Variants in PDLIM5 observed in about 807,000 individuals in gnomAD.
PDLIM5 encodes the protein PDZ and LIM domain protein 5.
PDLIM5 carries 34 observed loss-of-function variants against 64.2 expected under a neutral mutation model. The ratio of observed to expected loss-of-function variants is 0.53; its 90% CI spans 0.40 to 0.71. The LOEUF (loss-of-function observed/expected upper bound fraction) is 0.71. Ranked by LOEUF, PDLIM5 falls within the 30% of genes least tolerant of loss-of-function variation. PDLIM5 has a pLI of 0.00. For synonymous variants in PDLIM5, 253 were observed against 269.1 expected (o/e 0.94, Z 0.59); for missense variants, 683 against 733.6 (o/e 0.93, Z 0.80).
chr4:94,505,806 C>T (rs972128013), intron 2 of PDLIM5, among the ~76,000 whole-genome samples: 1 of 152,204 alleles, frequency 6.6e-6, no homozygotes, highest in African/African-American at 2.4e-5. Flanking sequence ...GAGCCACCCT[C>T]CAGGTGCCTC....
At chr4:94,504,286 C>T (rs866176913) in intron 2 of PDLIM5, among the ~76,000 whole-genome samples, 12 of 150,902 alleles carry the variant, frequency 8.0e-5, no homozygotes, top group South Asian at 4.2e-4. Flanking sequence ...CATGGTTGTG[C>T]GACTTTCTTT....
chr4:94,650,936 A>T lies in PDLIM5; in HGVS notation c.1284-3524A>T, dbSNP rs145070850. On this transcript the variant is annotated intron_variant, in intron 9 of 12. Transcript: ENST00000317968. ...AATCCCTCCTCTCCCTCCATTTGTC[A>T]GTCAACATGTACTTAGTAAGGGCTC... is the stretch of plus-strand genomic sequence containing the variant. Among the ~76,000 whole-genome samples, 762 of 152,134 alleles carry T rather than the reference A, an allele frequency of 5.0e-3. 7 individuals carry two copies. Among genetic ancestry groups the T allele is most frequent in the African/African-American group, 0.017 (722 of 41,512 alleles).
At chr4:94,573,997 C>A (rs920069903) in intron 4 of PDLIM5, among the ~76,000 whole-genome samples, 1 of 152,168 alleles carries the variant, frequency 6.6e-6, no homozygotes, top group Non-Finnish European at 1.5e-5. Flanking sequence ...TGAACACTGA[C>A]ATGCTCACAT....
chr4:94,494,432 GTTTTTTTTTT>G (rs61675663), intron 2 of PDLIM5, among the ~76,000 whole-genome samples: 12 of 70,770 alleles, frequency 1.7e-4, no homozygotes, highest in East Asian at 4.9e-4. Flanking sequence ...TTTTTTTCTT[GTTTTTTTTTT>G]TTTTTTTTTT....
At chr4:94,611,271 C>T in intron 7 of PDLIM5, 1 of 1,296,266 alleles carries the variant, frequency 7.7e-7, no homozygotes, top group Non-Finnish European at 1.1e-6. Flanking sequence ...CACTCCACCA[C>T]TGTATTAACA....
intron 2 of PDLIM5, among the ~76,000 whole-genome samples, chr4:94,488,810 C>A (rs1296447886): frequency 6.6e-6 from 1 of 152,208 alleles, no homozygotes; most frequent in Non-Finnish European, 1.5e-5. Flanking sequence ...TCCCCCTCTC[C>A]ACCCTCTTTG....
In PDLIM5 at chr4:94,665,578, T is replaced by A. The variant is rs1743043214; in HGVS notation, c.*1511T>A. ...TCAGAAGATTATACCCCCCAATTGTTTTTCAATCCCCTTTTCTCAAATAAT... is the reference window on the plus strand; with the variant it reads ...TCAGAAGATTATACCCCCCAATTGTATTTCAATCCCCTTTTCTCAAATAAT... On this transcript the variant is annotated 3_prime_UTR_variant, in exon 13 of 13. Coordinates refer to ENST00000317968, the MANE Select transcript of PDLIM5 (RefSeq NM_006457.5). 1 of 977,162 alleles carries A rather than the reference T, an allele frequency of 1.0e-6. No individual in the cohort carries two copies. Among genetic ancestry groups the A allele is most frequent in the African/African-American group, 1.8e-5 (1 of 56,904 alleles). 60.5% of individuals were successfully genotyped at this position (977,162 alleles called of 1,614,324 possible).
chr4:94,474,499 C>T (rs1725155271), intron 2 of PDLIM5, among the ~76,000 whole-genome samples: 2 of 152,142 alleles, frequency 1.3e-5, no homozygotes, highest in Admixed American at 6.5e-5. Context: ...GATCTGCCCA[C>T]CTTGGCTTCC....
intron 6 of PDLIM5, 101 bp from the exon 7 acceptor site, chr4:94,586,307 G>A: frequency 3.0e-6 from 2 of 671,870 alleles, no homozygotes; most frequent in East Asian, 2.6e-5. Flanking sequence ...GTGGCTCCAT[G>A]GAAGTTGAAC....
intron 9 of PDLIM5, among the ~76,000 whole-genome samples, chr4:94,650,205 T>G (rs1338985456): frequency 1.3e-5 from 2 of 152,162 alleles, no homozygotes; most frequent in Non-Finnish European, 2.9e-5. Flanking sequence ...TTCCTGCTTG[T>G]GTCTTTGTGT....
intron 2 of PDLIM5, among the ~76,000 whole-genome samples, chr4:94,474,816 A>G (rs958321186): frequency 6.6e-6 from 1 of 151,896 alleles, no homozygotes; most frequent in Non-Finnish European, 1.5e-5. Context: ...TGCACAGCTA[A>G]TTTTTTGAAA....
chr4:94,630,844 T>G (rs1226138568), intron 8 of PDLIM5, among the ~76,000 whole-genome samples: 2 of 152,176 alleles, frequency 1.3e-5, no homozygotes, highest in African/African-American at 2.4e-5. Context: ...AGTTGAAGTA[T>G]TCACACCAAT....
intron 7 of PDLIM5, chr4:94,610,039 C>T (rs1448764748): frequency 1.5e-5 from 9 of 598,012 alleles, no homozygotes; most frequent in African/African-American, 3.8e-5. Flanking sequence ...ACACTTCTTA[C>T]ACTTCACACT....
At chr4:94,540,126 A>C (rs1040749005) in intron 3 of PDLIM5, among the ~76,000 whole-genome samples, 1 of 140,116 alleles carries the variant, frequency 7.1e-6, no homozygotes, top group Non-Finnish European at 1.5e-5. Context: ...AGATGCTACT[A>C]TTCTTCTTTT....
intron 12 of PDLIM5, 138 bp from the exon 13 acceptor site, chr4:94,663,840 G>A: frequency 2.9e-6 from 2 of 690,206 alleles, no homozygotes; most frequent in South Asian, 3.5e-5. Context: ...ATATTAGGGA[G>A]TCTAACTTAA....
At chr4:94,627,735 G>A (rs1739814135) in intron 8 of PDLIM5, among the ~76,000 whole-genome samples, 1 of 152,176 alleles carries the variant, frequency 6.6e-6, no homozygotes, top group South Asian at 2.1e-4. Context: ...TACAGAAAAA[G>A]TTTTGTTAAC....
intron 9 of PDLIM5, among the ~76,000 whole-genome samples, chr4:94,651,189 A>G (rs1741819847): frequency 6.6e-6 from 1 of 152,234 alleles, no homozygotes; most frequent in Non-Finnish European, 1.5e-5. Context: ...TAATCTGTGC[A>G]TAATTTCAAG....
chr4:94,504,502 G>A (rs928100713), intron 2 of PDLIM5, among the ~76,000 whole-genome samples: 1 of 152,070 alleles, frequency 6.6e-6, no homozygotes, highest in African/African-American at 2.4e-5. Context: ...GGCCAGGATG[G>A]TCTCCGTCTC....
chr4:94,546,646 A>T (rs1047968324), intron 3 of PDLIM5, among the ~76,000 whole-genome samples: 2 of 152,172 alleles, frequency 1.3e-5, no homozygotes, highest in African/African-American at 4.8e-5. Flanking sequence ...ATTTTTATTC[A>T]TAGGAGTTCT....
Sources: gnomAD v4.1 joint callset for allele counts (sites outside exome capture counted in the v4.1 genomes callset) on GRCh38, gnomAD v4.1.1 for gene constraint, MANE v1.5 for transcripts, NCBI Gene and HGNC (gene_info 2026-07-23, HGNC 2026-07-21) for gene names.